NRXN3: variants seen among roughly 807,000 people sequenced by gnomAD.
NRXN3 encodes the protein neurexin 3, also known as neurexin III.
Under a neutral mutation model 137.6 loss-of-function variants are expected in NRXN3, and 32 were observed. The ratio of observed to expected loss-of-function variants is 0.23; its 90% confidence interval spans 0.18 to 0.31. The LOEUF is 0.31. Ranked by LOEUF, NRXN3 falls within the 10% of genes least tolerant of loss-of-function variation. The pLI is 1.00. For synonymous variants in NRXN3, 798 were observed against 784.5 expected, an observed-to-expected ratio of 1.02 and a Z score of -0.29; for missense variants, 1,574 against 2,062.5, an observed-to-expected ratio of 0.76 and a Z score of 4.59.
In NRXN3 at chr14:78,985,509, T is replaced by A. The variant is rs150937038; in HGVS notation, c.3143-2513T>A. On this transcript the variant is annotated intron_variant, in intron 14 of 20. Transcript: ENST00000335750. ...TTTGAAGTTATTGACTAATGTTTCA[T>A]TTGAAGAAGGCATTCAGGCTGGTCC... is the stretch of plus-strand genomic sequence containing the variant. 2.5e-3 allele frequency among the ~76,000 whole-genome samples: 385 copies of A among 152,338 alleles called. 1 individual carries two copies. The highest frequency in any genetic ancestry group is 8.8e-3 in the African/African-American group (367 of 41,580).
intron 15 of NRXN3, among the ~76,000 whole-genome samples, chr14:79,300,406 C>A (rs998482018): frequency 1.2e-4 from 18 of 152,102 alleles, no homozygotes; most frequent in African/African-American, 4.3e-4. Context: ...TTAGACTTGA[C>A]TCAGCTGGGT....
At chr14:78,435,199 G>A (rs1322433164) in intron 4 of NRXN3, among the ~76,000 whole-genome samples, 1 of 152,120 alleles carries the variant, frequency 6.6e-6, no homozygotes, top group Non-Finnish European at 1.5e-5. Context: ...TTTCTATCTG[G>A]TCTTCACTTC....
At chr14:79,555,045 A>T (rs1387914036) in intron 16 of NRXN3, among the ~76,000 whole-genome samples, 2 of 152,134 alleles carry the variant, frequency 1.3e-5, no homozygotes. Flanking sequence ...TCCTATTGGC[A>T]GTTCTAATAG....
rs188663744 is a variant in NRXN3, at chr14:79,457,429, G to C, written c.3263-9792G>C. Among the ~76,000 whole-genome samples the C allele has an allele frequency of 6.4e-3, 976 of 152,316 alleles. 8 individuals carry two copies. Among genetic ancestry groups the C allele is most frequent in the African/African-American group, 0.022 (902 of 41,566 alleles). On this transcript the variant is annotated intron_variant, in intron 15 of 20. Coordinates refer to ENST00000335750, the MANE Select transcript of NRXN3 (RefSeq NM_001330195.2). Reference sequence around the variant, plus strand: ...TACAACTCTTTCAGATGATGAGGTAGAAGTGTTGTCGCCTTCTTAATCATG... The same window carrying C: ...TACAACTCTTTCAGATGATGAGGTACAAGTGTTGTCGCCTTCTTAATCATG...
intron 15 of NRXN3, among the ~76,000 whole-genome samples, chr14:79,223,386 G>C (rs1597453063): frequency 1.3e-5 from 2 of 152,236 alleles, no homozygotes; most frequent in East Asian, 3.9e-4. Context: ...ACAGGTTCCT[G>C]CTAGGCATTT....
chr14:79,376,199 T>G (rs182026899), intron 15 of NRXN3, among the ~76,000 whole-genome samples: 1 of 46,456 alleles, frequency 2.2e-5, no homozygotes, highest in African/African-American at 9.0e-5. Context: ...CATGTGGGTG[T>G]GTGTGTGTGT....
intron 16 of NRXN3, among the ~76,000 whole-genome samples, chr14:79,525,461 C>T (rs1442896101): frequency 6.6e-6 from 1 of 152,172 alleles, no homozygotes; most frequent in Non-Finnish European, 1.5e-5. Flanking sequence ...CTCTATTCTT[C>T]TGGAAATCGA....
At chr14:79,522,690 C>T (rs768434340) in intron 16 of NRXN3, among the ~76,000 whole-genome samples, 29 of 152,144 alleles carry the variant, frequency 1.9e-4, no homozygotes, top group Non-Finnish European at 4.0e-4. Context: ...AGTTCTAAAA[C>T]ATTTCCTTCC....
chr14:79,168,247 G>T (rs143231525), intron 15 of NRXN3, among the ~76,000 whole-genome samples: 1 of 152,004 alleles, frequency 6.6e-6, no homozygotes, highest in African/African-American at 2.4e-5. Flanking sequence ...TAGCACAAAG[G>T]CTCTTCTAGT....
intron 4 of NRXN3, among the ~76,000 whole-genome samples, chr14:78,393,004 G>A (rs1331806878): frequency 6.6e-6 from 1 of 152,090 alleles, no homozygotes; most frequent in Non-Finnish European, 1.5e-5. Flanking sequence ...TTCAGAATCC[G>A]AAAGCTGATG....
Position 79,614,364 on chromosome 14 carries a change from G to A in NRXN3, c.3445-49414G>A, listed in dbSNP as rs564803996. On this transcript the variant is annotated intron_variant, in intron 16 of 20. Coordinates refer to ENST00000335750, the MANE Select transcript of NRXN3 (RefSeq NM_001330195.2). ...TTTAGCTCAAGGAAGAGAGGACATG[G>A]CCAAAGATGGCCTTCATGAACTTTT... Among the ~76,000 whole-genome samples, 32 of 146,562 alleles carry A rather than the reference G, an allele frequency of 2.2e-4. 1 individual carries two copies. The highest frequency in any genetic ancestry group is 8.0e-4 in the Admixed American group (12 of 15,012).
At chr14:79,123,607 A>G (rs1358899332) in intron 15 of NRXN3, among the ~76,000 whole-genome samples, 1 of 152,146 alleles carries the variant, frequency 6.6e-6, no homozygotes, top group Non-Finnish European at 1.5e-5. Flanking sequence ...AGGAGCTTAA[A>G]ATCTAGAGGA....
intron 19 of NRXN3, among the ~76,000 whole-genome samples, chr14:79,785,977 T>C (rs542182785): frequency 2.6e-5 from 4 of 151,956 alleles, no homozygotes; most frequent in Non-Finnish European, 5.9e-5. Context: ...CCTGTGTTCC[T>C]GCAGCAAGAC....
At chr14:78,702,234 G>C (rs1389532850) in intron 6 of NRXN3, among the ~76,000 whole-genome samples, 1 of 151,552 alleles carries the variant, frequency 6.6e-6, no homozygotes, top group African/African-American at 2.4e-5. Context: ...GTCACATTAG[G>C]CAATTAAGTA....
At chr14:78,894,614 A>G (rs2099168280) in intron 10 of NRXN3, among the ~76,000 whole-genome samples, 1 of 151,924 alleles carries the variant, frequency 6.6e-6, no homozygotes, top group African/African-American at 2.4e-5. Flanking sequence ...TGAATCACGA[A>G]TGTTCTTTAT....
At chr14:78,972,102 C>T (rs946130890) in intron 14 of NRXN3, among the ~76,000 whole-genome samples, 2 of 152,104 alleles carry the variant, frequency 1.3e-5, no homozygotes, top group Admixed American at 6.5e-5. Context: ...TCAATTTAAG[C>T]TAGGGTTTTA....
At chr14:78,432,269 T>C (rs2093911904) in intron 4 of NRXN3, among the ~76,000 whole-genome samples, 1 of 151,568 alleles carries the variant, frequency 6.6e-6, no homozygotes, top group Admixed American at 6.6e-5. Flanking sequence ...GTGTATGGCT[T>C]GCCAGACCCA....
At position 78,767,882 on chromosome 14, in the gene NRXN3, ATC is replaced by A. The variant is rs372002928; in HGVS notation, c.2045-35735_2045-35734del. 4.1e-3 allele frequency among the ~76,000 whole-genome samples: 619 copies of A among 152,260 alleles called. 5 individuals are homozygous for A. The highest frequency in any genetic ancestry group is 0.014 in the African/African-American group (585 of 41,550). ...ATTTTAAGCTTAGTAGAGAGAACTC[ATC>A]TCAGCCTTGTCCCTGGGTCCCTTGA... is the stretch of plus-strand genomic sequence containing the variant. On this transcript the variant is annotated intron_variant, in intron 8 of 20. Coordinates refer to ENST00000335750, the MANE Select transcript of NRXN3 (RefSeq NM_001330195.2).
chr14:79,614,680 T>C (rs535022717), intron 16 of NRXN3, among the ~76,000 whole-genome samples: 19 of 152,258 alleles, frequency 1.2e-4, no homozygotes, highest in African/African-American at 3.9e-4. Flanking sequence ...AGCAGCCTAA[T>C]TGCTTCTCCT....
Sources: allele counts gnomAD v4.1 joint callset (sites outside exome capture counted in the v4.1 genomes callset), GRCh38; gene constraint gnomAD v4.1.1; transcripts MANE v1.5; gene names NCBI Gene and HGNC (gene_info 2026-07-23, HGNC 2026-07-21).